TEX9: variants seen among roughly 807,000 people sequenced by gnomAD.
The protein encoded by TEX9 is testis-expressed protein 9.
Under a neutral mutation model 59.6 loss-of-function variants are expected in TEX9, and 74 were observed. That is an observed-to-expected ratio of 1.24 (90% CI 1.03 to 1.51). TEX9 has a LOEUF of 1.51. TEX9 is among the 40% of genes most tolerant of loss of function. TEX9 has a pLI of 0.00. For synonymous variants in TEX9, 186 were observed against 152.2 expected (o/e 1.22, Z -1.64); for missense variants, 522 against 447.8 (o/e 1.17, Z -1.49).
chr15:56,434,358 A>T, intron 12 of TEX9: 1 of 1,613,118 alleles, frequency 6.2e-7, no homozygotes, highest in Middle Eastern at 1.7e-4. Context: ...ATCTTGCTTC[A>T]TCTCTTTTTG....
intron 4 of TEX9, among the ~76,000 whole-genome samples, chr15:56,388,198 C>T (rs1282175210): frequency 6.6e-6 from 1 of 151,942 alleles, no homozygotes. Flanking sequence ...CCCACAATTA[C>T]TCTTTATGAT....
intron 1 of TEX9, among the ~76,000 whole-genome samples, chr15:56,274,995 A>T (rs756814370): frequency 6.6e-6 from 1 of 152,228 alleles, no homozygotes. Context: ...ACTTGCCAAC[A>T]GCAAACTGTT....
At chr15:56,389,326 C>G in exon 6 of TEX9, 1 of 1,610,200 alleles carries the variant, frequency 6.2e-7, no homozygotes, top group Non-Finnish European at 8.5e-7. Flanking sequence ...AGCCAAAGAC[C>G]AAAAACATTG....
intron 1 of TEX9, among the ~76,000 whole-genome samples, chr15:56,359,382 A>G (rs2046749258): frequency 6.6e-6 from 1 of 152,110 alleles, no homozygotes; most frequent in South Asian, 2.1e-4. Flanking sequence ...CTCTCTCCCT[A>G]GTCCCTGGTA....
intron 1 of TEX9, among the ~76,000 whole-genome samples, chr15:56,358,213 T>C (rs1387824116): frequency 2.0e-5 from 3 of 152,184 alleles, no homozygotes; most frequent in Admixed American, 2.0e-4. Context: ...CTTAACCTTT[T>C]TATTCTTAAA....
At chr15:56,428,972 A>G in intron 12 of TEX9, 2 of 568,578 alleles carry the variant, frequency 3.5e-6, no homozygotes, top group Non-Finnish European at 6.1e-6. Flanking sequence ...AAGTTATGAA[A>G]TTCAGTGATG....
chr15:56,450,524 G>T (rs2050940542), downstream of TEX9, among the ~76,000 whole-genome samples: 1 of 152,006 alleles, frequency 6.6e-6, no homozygotes, highest in South Asian at 2.1e-4. Context: ...GTCCTTTTGT[G>T]TCTCGCTTAC....
At chr15:56,381,231 C>A (rs1466586385) in intron 3 of TEX9, among the ~76,000 whole-genome samples, 2 of 152,070 alleles carry the variant, frequency 1.3e-5, no homozygotes, top group Admixed American at 6.6e-5. Context: ...ATTTTTAACT[C>A]CAGAATTTCT....
chr15:56,343,654 A>G (rs1279297880), intron 1 of TEX9, among the ~76,000 whole-genome samples: 2 of 152,132 alleles, frequency 1.3e-5, no homozygotes, highest in Admixed American at 1.3e-4. Flanking sequence ...ATGAACTGAC[A>G]CCTTAGAAAC....
At chr15:56,327,525 C>A (rs558335377) in intron 1 of TEX9, among the ~76,000 whole-genome samples, 1 of 152,130 alleles carries the variant, frequency 6.6e-6, no homozygotes, top group African/African-American at 2.4e-5. Context: ...CAAAAAACAC[C>A]TTTATAAGAA....
chr15:56,377,229 G>A (rs1464995337), intron 3 of TEX9, among the ~76,000 whole-genome samples: 1 of 152,098 alleles, frequency 6.6e-6, no homozygotes, highest in Non-Finnish European at 1.5e-5. Context: ...GGTAGCTTTG[G>A]CTATTCTGAG....
intron 10 of TEX9, among the ~76,000 whole-genome samples, chr15:56,426,279 A>G (rs1266105923): frequency 2.0e-5 from 3 of 152,044 alleles, no homozygotes; most frequent in Non-Finnish European, 4.4e-5. Context: ...TTCCAAGGGA[A>G]GAACTGGGAA....
chr15:56,445,893 T>C (rs2050897714), downstream of TEX9: 1 of 152,074 alleles, frequency 6.6e-6, no homozygotes, highest in African/African-American at 2.4e-5. Flanking sequence ...ACATTGTTTG[T>C]GCTACTTTCT....
chr15:56,250,761 GAAA>G (rs1222976267), intron 1 of TEX9, among the ~76,000 whole-genome samples: 28 of 144,820 alleles, frequency 1.9e-4, no homozygotes, highest in Non-Finnish European at 3.2e-4. Flanking sequence ...CTTCCTTAGG[GAAA>G]AAAAAAAACA....
At chr15:56,293,211 C>T (rs1376738061) in intron 1 of TEX9, among the ~76,000 whole-genome samples, 3 of 151,932 alleles carry the variant, frequency 2.0e-5, no homozygotes, top group Admixed American at 6.6e-5. Context: ...ATGGCACGCT[C>T]CTGTAGTCTC....
At chr15:56,345,999 G>T (rs2046463289) in intron 1 of TEX9, among the ~76,000 whole-genome samples, 1 of 152,190 alleles carries the variant, frequency 6.6e-6, no homozygotes, top group African/African-American at 2.4e-5. Flanking sequence ...AAGCTGAGTG[G>T]AGTGCCTATC....
intron 1 of TEX9, among the ~76,000 whole-genome samples, chr15:56,262,835 C>T (rs1308032248): frequency 6.6e-6 from 1 of 152,146 alleles, no homozygotes; most frequent in Non-Finnish European, 1.5e-5. Flanking sequence ...GAATTGATCC[C>T]TCGATCTTTA....
chr15:56,270,677 A>G (rs1381340005), intron 1 of TEX9, among the ~76,000 whole-genome samples: 3 of 152,176 alleles, frequency 2.0e-5, no homozygotes, highest in Admixed American at 6.5e-5. Flanking sequence ...TCCTGTTATT[A>G]TGATGTTAGT....
At chr15:56,257,753 G>C (rs2044176740) in intron 1 of TEX9, among the ~76,000 whole-genome samples, 1 of 152,092 alleles carries the variant, frequency 6.6e-6, no homozygotes. Flanking sequence ...TGTTTACTCT[G>C]TCGATAGTTT....
Sources: allele counts gnomAD v4.1 joint callset (sites outside exome capture counted in the v4.1 genomes callset), GRCh38; gene constraint gnomAD v4.1.1; transcripts MANE v1.5; gene names NCBI Gene and HGNC (gene_info 2026-07-23, HGNC 2026-07-21).